CAPN7: variants seen among roughly 807,000 people sequenced by gnomAD.
CAPN7 encodes the protein calpain-7.
A neutral mutation model predicts 115.2 loss-of-function variants in CAPN7; 72 were observed. The ratio of observed to expected loss-of-function variants is 0.63; its 90% CI spans 0.52 to 0.76. The LOEUF (loss-of-function observed/expected upper bound fraction) is 0.76. Ranked by LOEUF, CAPN7 falls within the 30% of genes least tolerant of loss-of-function variation. CAPN7 has a pLI of 0.00. For synonymous variants in CAPN7, 344 were observed against 322.3 expected, an observed-to-expected ratio of 1.07 and a Z score of -0.72; for missense variants, 905 against 971.5, an observed-to-expected ratio of 0.93 and a Z score of 0.91.
At chr3:15,241,949 T>G (rs1695373699) in intron 15 of CAPN7, among the ~76,000 whole-genome samples, 1 of 152,178 alleles carries the variant, frequency 6.6e-6, no homozygotes. Flanking sequence ...ATAATCTTAA[T>G]AGCCTCCGAA....
At chr3:15,228,113 G>A (rs1694438368) in intron 7 of CAPN7, 148 bp downstream of exon 7, 2 of 473,340 alleles carry the variant, frequency 4.2e-6, no homozygotes, top group East Asian at 7.5e-5. Context: ...CATTTTGACT[G>A]AAACATACTG....
In CAPN7 at chr3:15,230,438, A is replaced by G. The variant is rs775851862; in HGVS notation, c.939-4A>G. The G allele has an allele frequency of 3.8e-6, 6 of 1,594,096 alleles. No individual in the cohort carries two copies. The South Asian group carries it at 6.6e-5, about 18-fold the overall frequency. ...TATTTTAATATTTATTTTTCTTACA[A>G]AAGCATAATTTACCCTCAAAACAAG... On this transcript the variant is annotated splice_polypyrimidine_tract_variant and splice_region_variant and intron_variant, in intron 8 of 20. Transcript: ENST00000253693.
rs1249528206 is a variant in CAPN7, at chr3:15,241,543, G to T, written c.1743G>T (p.Gly581=). The T allele has an allele frequency of 6.2e-7, 1 of 1,613,948 alleles. No individual in the cohort carries two copies. Among genetic ancestry groups the T allele is most frequent in the Non-Finnish European group, 8.5e-7 (1 of 1,180,006 alleles). ...AACTGGAGGTGCAGTGTCCACAGGG[G>T]GGTGCTGCAGTTTGGGTTTTGCTTA... The part of the protein sequence containing the change: ...QYKLEVQCPQ[G]GAAVWVLLSR... The change falls in exon 15 of 21, where the codon GGG becomes GGT. Residue 581 remains glycine, a synonymous_variant. Coordinates refer to ENST00000253693, the MANE Select transcript of CAPN7 (RefSeq NM_014296.3).
Position 15,251,465 on chromosome 3 carries a change from T to C in CAPN7, c.*205T>C, listed in dbSNP as rs1696002527. On this transcript the variant is annotated 3_prime_UTR_variant, in exon 21 of 21. Coordinates refer to ENST00000253693, the MANE Select transcript of CAPN7 (RefSeq NM_014296.3). Reference sequence around the variant, plus strand: ...ACCTAAATCACCTAGAGGTACCGTTTACATGGTTTTGTGTATATAGAGTTG... The same window carrying C: ...ACCTAAATCACCTAGAGGTACCGTTCACATGGTTTTGTGTATATAGAGTTG... 4.6e-6 allele frequency: 2 copies of C among 436,074 alleles called. No homozygotes were observed. Among genetic ancestry groups the C allele is most frequent in the Non-Finnish European group, 8.1e-6 (2 of 248,010 alleles). The allele number at this position is 436,074 out of a possible 1,614,324, so 27.0% of individuals were successfully genotyped here.
chr3:15,250,971 C>T lies in CAPN7; in HGVS notation c.2245C>T (p.Leu749=), dbSNP rs148241217. The change falls in exon 20 of 21, where the codon CTA becomes TTA. Residue 749 remains leucine, a synonymous_variant. Transcript: ENST00000253693. Reference sequence around the variant, plus strand: ...ATTTGAGGTTGTAACAGTTTCTACTCTAGGAGATCCTGGTCCCCATGGCTT... The same window carrying T: ...ATTTGAGGTTGTAACAGTTTCTACTTTAGGAGATCCTGGTCCCCATGGCTT... ...VGFEVVTVST[L]GDPGPHGFLR... 100 of 1,613,472 alleles carry T rather than the reference C, an allele frequency of 6.2e-5. No individual in the cohort carries two copies. The highest frequency in any genetic ancestry group is 8.2e-5 in the Non-Finnish European group (97 of 1,179,614).
chr3:15,246,684 G>C, intron 17 of CAPN7, 48 bp from the exon 18 acceptor site: 1 of 1,291,534 alleles, frequency 7.7e-7, no homozygotes, highest in Non-Finnish European at 1.1e-6. Flanking sequence ...TCACTTTGAT[G>C]TTCTTGTAAG....
rs1386514320 is a variant in CAPN7, at chr3:15,241,607, T to C, written c.1788+19T>C. 1.2e-6 allele frequency: 2 copies of C among 1,603,990 alleles called. No homozygotes were observed. The highest frequency in any genetic ancestry group is 1.7e-5 in the Admixed American group (1 of 58,162). On this transcript the variant is annotated intron_variant, in intron 15 of 20. Transcript: ENST00000253693. ...AGACAAGGTACTGATACCCTTCTAA[T>C]GATATCCCATACAGAAATTTTTTTA...
At chr3:15,222,051 T>G (rs1282917559) in intron 5 of CAPN7, among the ~76,000 whole-genome samples, 1 of 149,488 alleles carries the variant, frequency 6.7e-6, no homozygotes, top group Admixed American at 6.6e-5. Context: ...AGTTTTTCTT[T>G]GAAAGGTTTT....
At chr3:15,232,187 G>A (rs967231579) in intron 9 of CAPN7, 1 of 374,908 alleles carries the variant, frequency 2.7e-6, no homozygotes, top group Non-Finnish European at 5.1e-6. Flanking sequence ...CATCATGTCA[G>A]TGATCAAGAA....
intron 2 of CAPN7, among the ~76,000 whole-genome samples, chr3:15,213,283 G>T (rs1327816761): frequency 6.6e-6 from 1 of 152,146 alleles, no homozygotes; most frequent in Non-Finnish European, 1.5e-5. Flanking sequence ...TTACTTCCAT[G>T]ATCTCCTTGT....
chr3:15,230,637 TA>T (rs1694628915), intron 9 of CAPN7, 102 bp downstream of exon 9: 2 of 713,412 alleles, frequency 2.8e-6, no homozygotes, highest in African/African-American at 3.5e-5. Context: ...TTGAACATTT[TA>T]AAAGTTAGAG....
chr3:15,232,710 A>T (rs1490694156), intron 10 of CAPN7, 45 bp downstream of exon 10: 2 of 1,481,444 alleles, frequency 1.4e-6, no homozygotes, highest in African/African-American at 2.9e-5. Flanking sequence ...TAAGCTATCT[A>T]ATATAACTGT....
rs1213325840 is a variant in CAPN7 at position 15,206,488 on chromosome 3, A to C, written c.-8A>C. 6.5e-7 allele frequency: 1 copy of C among 1,541,370 alleles called. No homozygotes were observed. The highest frequency in any genetic ancestry group is 8.8e-7 in the Non-Finnish European group (1 of 1,142,842). On this transcript the variant is annotated 5_prime_UTR_variant, in exon 1 of 21. Coordinates refer to ENST00000253693, the MANE Select transcript of CAPN7 (RefSeq NM_014296.3). ...TCCTTCCCTGCCCCGGCGCGGGGCC[A>C]CTGCGCCATGGACGCCACAGCACTG...
At chr3:15,218,398 T>G (rs1575171355) in intron 3 of CAPN7, 75 bp from the exon 4 acceptor site, 1 of 1,064,128 alleles carries the variant, frequency 9.4e-7, no homozygotes, top group African/African-American at 1.6e-5. Flanking sequence ...TGTAAATTTT[T>G]TGCTTAGAAA....
At position 15,222,187 on chromosome 3, in the gene CAPN7, G is replaced by A. The variant is rs533224423; in HGVS notation, c.638+1206G>A. On this transcript the variant is annotated intron_variant, in intron 5 of 20. Coordinates refer to ENST00000253693, the MANE Select transcript of CAPN7 (RefSeq NM_014296.3). The stretch of plus-strand genomic sequence containing the variant: ...CCCTGTCTAGCGGGGGTTATAGCGT[G>A]TCTGAAAGCAGTCTCAGAGGATATT... 5.3e-5 allele frequency among the ~76,000 whole-genome samples: 8 copies of A among 152,192 alleles called. No homozygotes were observed. In the South Asian group the frequency reaches 1.5e-3, roughly 28 times the overall value.
chr3:15,245,807 T>G (rs1197747786), intron 17 of CAPN7, 136 bp downstream of exon 17: 1 of 595,194 alleles, frequency 1.7e-6, no homozygotes, highest in East Asian at 3.2e-5. Context: ...GCTTATCATT[T>G]TAATAGTAAA....
In CAPN7 at chr3:15,230,548, T is replaced by A; in HGVS notation, c.1032+13T>A. 1.4e-6 allele frequency: 2 copies of A among 1,467,292 alleles called. No homozygotes were observed. Among genetic ancestry groups the A allele is most frequent in the Admixed American group, 1.7e-5 (1 of 59,734 alleles). The allele number at this position is 1,467,292 out of a possible 1,614,324, so 90.9% of individuals were successfully genotyped here. On this transcript the variant is annotated intron_variant, in intron 9 of 20. Transcript: ENST00000253693. ...TGTCCCAAGAAAGGTGAATAATGTCTCTCCCCACTCCCATCCCTTGTCTCT... is the reference window on the plus strand; with the variant it reads ...TGTCCCAAGAAAGGTGAATAATGTCACTCCCCACTCCCATCCCTTGTCTCT...
At chr3:15,228,851 A>C in intron 7 of CAPN7, 123 bp from the exon 8 acceptor site, 1 of 697,216 alleles carries the variant, frequency 1.4e-6, no homozygotes. Context: ...CCGAACCTAA[A>C]ATAGAAGTTT....
Position 15,206,369 on chromosome 3 carries a change from C to T in CAPN7, c.-127C>T, listed in dbSNP as rs907452631. 1.5e-6 allele frequency: 1 copy of T among 672,858 alleles called. No homozygotes were observed. Among genetic ancestry groups the T allele is most frequent in the Admixed American group, 2.6e-5 (1 of 37,932 alleles). The allele number at this position is 672,858 out of a possible 1,614,324, so 41.7% of individuals were successfully genotyped here. A position where few individuals can be genotyped will look rare whatever the true frequency, so the allele number is the denominator to read the frequency against. On this transcript the variant is annotated 5_prime_UTR_variant, in exon 1 of 21. Coordinates refer to ENST00000253693, the MANE Select transcript of CAPN7 (RefSeq NM_014296.3). ...GGAAGGCGAGCTCTCCTCCACCGTC[C>T]AAAGTAAACTTTGCCGCTCCTTCCG...
Sources: gnomAD v4.1 joint callset for allele counts (sites outside exome capture counted in the v4.1 genomes callset) on GRCh38, gnomAD v4.1.1 for gene constraint, MANE v1.5 for transcripts, NCBI Gene and HGNC (gene_info 2026-07-23, HGNC 2026-07-21) for gene names.